Variants in TENM2 observed in about 807,000 individuals in gnomAD.
The protein encoded by TENM2 is teneurin-2.
TENM2 carries 52 observed loss-of-function variants against 245.2 expected under a neutral mutation model. That is an observed-to-expected ratio of 0.21 (90% CI 0.17 to 0.27). The LOEUF (loss-of-function observed/expected upper bound fraction) is 0.27, where lower values mean the gene tolerates loss of function less well. TENM2 is among the 10% of genes least tolerant of loss of function. The probability of loss-of-function intolerance (pLI) is 1.00; values close to 1 mark genes in which losing one functional copy is unlikely to be tolerated. For missense variants in TENM2, 3,046 were observed against 3,666.8 expected (o/e 0.83, Z 4.37); for synonymous variants, 1,363 against 1,438.9 (o/e 0.95, Z 1.19).
intron 2 of TENM2, among the ~76,000 whole-genome samples, chr5:167,420,736 A>G (rs1216298734): frequency 6.6e-6 from 1 of 152,082 alleles, no homozygotes; most frequent in East Asian, 1.9e-4. Flanking sequence ...TTCCGACAGC[A>G]CCATCATTCT....
At chr5:167,501,948 T>G (rs2127557542) in intron 2 of TENM2, among the ~76,000 whole-genome samples, 1 of 152,120 alleles carries the variant, frequency 6.6e-6, no homozygotes, top group East Asian at 1.9e-4. Flanking sequence ...AAAAAGAAAC[T>G]ATTTTTCTAA....
At chr5:167,867,886 G>T (rs1583230526) in intron 2 of TENM2, among the ~76,000 whole-genome samples, 1 of 152,134 alleles carries the variant, frequency 6.6e-6, no homozygotes, top group Non-Finnish European at 1.5e-5. Flanking sequence ...CTTGCTTTGA[G>T]GAAATTTTGC....
At chr5:167,886,633 G>A (rs1774310651) in intron 3 of TENM2, among the ~76,000 whole-genome samples, 1 of 152,204 alleles carries the variant, frequency 6.6e-6, no homozygotes, top group African/African-American at 2.4e-5. Flanking sequence ...TTGCTGCTGG[G>A]AAGGAAGAAA....
the TENM2 span, among the ~76,000 whole-genome samples, chr5:167,071,936 C>T: frequency 2.5e-4 from 36 of 145,078 alleles, no homozygotes; most frequent in Admixed American, 7.2e-4. Context: ...GCACTCAACG[C>T]TTTTATTCCA....
intron 2 of TENM2, among the ~76,000 whole-genome samples, chr5:167,695,100 T>C (rs556747412): frequency 6.8e-4 from 103 of 152,334 alleles, no homozygotes; most frequent in Non-Finnish European, 1.2e-3. Context: ...TTTTTAGCCA[T>C]GCTTATTCAC....
chr5:167,339,328 G>C (rs1757962430), intron 1 of TENM2, among the ~76,000 whole-genome samples: 1 of 152,158 alleles, frequency 6.6e-6, no homozygotes, highest in Non-Finnish European at 1.5e-5. Context: ...AAAGAAGGAA[G>C]GGCTGACAGA....
chr5:167,181,018 T>C, the TENM2 span, among the ~76,000 whole-genome samples: 3 of 152,000 alleles, frequency 2.0e-5, no homozygotes, highest in African/African-American at 7.2e-5. Flanking sequence ...AAACCTGCAT[T>C]GTTCAAGGGT....
the TENM2 span, among the ~76,000 whole-genome samples, chr5:167,114,757 C>CA: frequency 6.6e-6 from 1 of 151,916 alleles, no homozygotes; most frequent in Admixed American, 6.6e-5. Context: ...AGATAATTTC[C>CA]AAAACTTGAA....
At chr5:167,607,705 T>C (rs1019939436) in intron 2 of TENM2, among the ~76,000 whole-genome samples, 2 of 152,204 alleles carry the variant, frequency 1.3e-5, no homozygotes, top group Non-Finnish European at 2.9e-5. Context: ...CTAGGGACGA[T>C]AGTCATTCAT....
At chr5:168,186,433 A>T (rs186979470) in intron 13 of TENM2, 49 of 152,296 alleles carry the variant, frequency 3.2e-4, no homozygotes, top group Non-Finnish European at 6.0e-4. Context: ...AGTAGACTAG[A>T]ACCAGAGCTG....
chr5:167,683,260 T>C (rs897850411), intron 2 of TENM2, among the ~76,000 whole-genome samples: 319 of 147,902 alleles, frequency 2.2e-3, no homozygotes, highest in Middle Eastern at 6.9e-3. Context: ...TTTTTTTTTT[T>C]CCCCCCCTGG....
At chr5:167,425,601 T>A (rs1424539665) in intron 2 of TENM2, among the ~76,000 whole-genome samples, 1 of 152,254 alleles carries the variant, frequency 6.6e-6, no homozygotes, top group African/African-American at 2.4e-5. Flanking sequence ...TGAGAATTTG[T>A]GCATTTTATG....
intron 9 of TENM2, among the ~76,000 whole-genome samples, chr5:168,109,108 T>C (rs1794475944): frequency 6.6e-6 from 1 of 152,166 alleles, no homozygotes; most frequent in South Asian, 2.1e-4. Context: ...CCATGACTGC[T>C]GCCCAAAAGA....
chr5:168,240,819 A>G (rs1405979919), intron 25 of TENM2: 1 of 152,216 alleles, frequency 6.6e-6, no homozygotes, highest in Non-Finnish European at 1.5e-5. Flanking sequence ...GTTGCCTCCA[A>G]AAACCCTGGA....
intron 3 of TENM2, among the ~76,000 whole-genome samples, chr5:167,892,155 A>T (rs2151467058): frequency 6.6e-6 from 1 of 152,352 alleles, no homozygotes; most frequent in East Asian, 1.9e-4. Flanking sequence ...AAGAAAAGAG[A>T]AGTGCTACAT....
chr5:167,121,040 G>A, the TENM2 span, among the ~76,000 whole-genome samples: 1 of 151,824 alleles, frequency 6.6e-6, no homozygotes, highest in Non-Finnish European at 1.5e-5. Context: ...AAACAACAAC[G>A]TGACTTAACT....
At chr5:167,187,177 A>G in the TENM2 span, among the ~76,000 whole-genome samples, 1 of 152,186 alleles carries the variant, frequency 6.6e-6, no homozygotes, top group Admixed American at 6.6e-5. Context: ...AGACATCAAA[A>G]TGTGATTTCA....
intron 2 of TENM2, among the ~76,000 whole-genome samples, chr5:167,634,075 A>C (rs1779040665): frequency 6.6e-6 from 1 of 152,314 alleles, no homozygotes; most frequent in Admixed American, 6.5e-5. Context: ...TTTGCGGCTA[A>C]GATGTACTGA....
intron 2 of TENM2, among the ~76,000 whole-genome samples, chr5:167,565,513 G>A (rs1582403057): frequency 6.6e-6 from 1 of 152,216 alleles, no homozygotes; most frequent in East Asian, 1.9e-4. Flanking sequence ...GCAGCTTCCG[G>A]AACAACATTT....
Sources: gnomAD v4.1 joint callset for allele counts (sites outside exome capture counted in the v4.1 genomes callset) on GRCh38, gnomAD v4.1.1 for gene constraint, MANE v1.5 for transcripts, NCBI Gene and HGNC (gene_info 2026-07-23, HGNC 2026-07-21) for gene names.